The following GSE1 variants were observed in gnomAD, a reference collection of about 807,000 sequenced individuals.
GSE1 encodes Gse1 coiled-coil protein.
A neutral mutation model predicts 112.6 loss-of-function variants in GSE1; 32 were observed. That is an observed-to-expected ratio of 0.28 (90% confidence interval 0.21 to 0.38). The LOEUF (loss-of-function observed/expected upper bound fraction) is 0.38. Among genes scored for constraint, GSE1 ranks in the 10% least tolerant of loss-of-function variants. GSE1 has a pLI of 1.00. For synonymous variants in GSE1, 1,115 were observed against 735.6 expected (o/e 1.52, Z -8.35); for missense variants, 2,348 against 1,699.2 (o/e 1.38, Z -6.71).
chr16:85,455,381 A>AAGAGAGAG (rs147528394), intron 2 of GSE1, among the ~76,000 whole-genome samples: 8 of 149,742 alleles, frequency 5.3e-5, no homozygotes, highest in African/African-American at 2.0e-4. Flanking sequence ...GGCATTACAA[A>AAGAGAGAG]AGAGAGAGAG....
intron 1 of GSE1, among the ~76,000 whole-genome samples, chr16:85,262,779 T>C (rs1907837791): frequency 6.6e-6 from 1 of 152,204 alleles, no homozygotes; most frequent in African/African-American, 2.4e-5. Flanking sequence ...TGATGCTTGC[T>C]CCGTCTCTCA....
Position 85,661,170 on chromosome 16 carries a change from A to G in GSE1, c.1665A>G (p.Pro555=), listed in dbSNP as rs1179466203. Residue 555 remains proline, a synonymous_variant, in exon 9 of 16, where the codon CCA becomes CCG. Coordinates refer to ENST00000253458, the MANE Select transcript of GSE1 (RefSeq NM_014615.5). ...GGCCAGGACCAAACCGTCACGAGCC[A>G]GGTGGCCGTGACCCTCCGCAGCACT... ...TTRPGPNRHE[P]GGRDPPQHFG... The G allele has an allele frequency of 9.4e-6, 15 of 1,592,976 alleles. No homozygotes were observed. Among genetic ancestry groups the G allele is most frequent in the Non-Finnish European group, 1.3e-5 (15 of 1,164,538 alleles).
chr16:85,225,678 C>G (rs1205731893), intron 1 of GSE1, among the ~76,000 whole-genome samples: 1 of 152,232 alleles, frequency 6.6e-6, no homozygotes, highest in East Asian at 1.9e-4. Flanking sequence ...TCTGACACCA[C>G]TCTGTTTCAC....
chr16:85,351,912 C>T (rs758241832), intron 1 of GSE1, among the ~76,000 whole-genome samples: 4 of 152,118 alleles, frequency 2.6e-5, no homozygotes, highest in African/African-American at 4.8e-5. Context: ...ATTGCTTGAA[C>T]CCGGGAGGCA....
chr16:85,518,880 C>T (rs756977312), intron 2 of GSE1, among the ~76,000 whole-genome samples: 13 of 152,156 alleles, frequency 8.5e-5, no homozygotes, highest in Non-Finnish European at 1.5e-4. Context: ...CAGGCTCACA[C>T]CTGGGCCCCC....
chr16:85,431,732 C>T (rs2049126560), intron 2 of GSE1, among the ~76,000 whole-genome samples: 1 of 152,084 alleles, frequency 6.6e-6, no homozygotes, highest in Non-Finnish European at 1.5e-5. Context: ...ACTCTGAGCA[C>T]CCAGGGCCCA....
intron 1 of GSE1, among the ~76,000 whole-genome samples, chr16:85,282,334 G>C (rs1249398437): frequency 6.6e-6 from 1 of 152,164 alleles, no homozygotes; most frequent in Non-Finnish European, 1.5e-5. Context: ...CTGGGTTGCT[G>C]TGTTTTCATG....
chr16:85,568,309 C>T (rs1028893515), intron 1 of GSE1, among the ~76,000 whole-genome samples: 14 of 152,140 alleles, frequency 9.2e-5, no homozygotes, highest in African/African-American at 2.2e-4. Context: ...GGTAGGCCTC[C>T]GGGGTGGGCC....
chr16:85,365,783 G>A (rs746271328), intron 2 of GSE1, among the ~76,000 whole-genome samples: 8 of 152,234 alleles, frequency 5.3e-5, no homozygotes, highest in Non-Finnish European at 1.2e-4. Context: ...TCAGTTATTC[G>A]TTGGGAATGA....
chr16:85,408,123 C>G lies in GSE1; in HGVS notation c.2464+50480C>G, dbSNP rs1334588425. 4.7e-5 allele frequency among the ~76,000 whole-genome samples: 2 copies of G among 42,528 alleles called. 1 individual carries two copies. The highest frequency in any genetic ancestry group is 2.2e-4 in the African/African-American group (2 of 9,078). 27.9% of individuals were successfully genotyped at this position (42,528 alleles called of 152,430 possible). A position where few individuals can be genotyped will look rare whatever the true frequency, so the allele number is the denominator to read the frequency against. ...CCTGGATAATCCTCACTGTTACTCTCAGGCCCCCTGGATAATCCTCACTGT... is the reference window on the plus strand; with the variant it reads ...CCTGGATAATCCTCACTGTTACTCTGAGGCCCCCTGGATAATCCTCACTGT... On this transcript the variant is annotated intron_variant, in intron 2 of 2. Transcript: ENST00000637419.
chr16:85,305,802 C>T (rs996201378), intron 1 of GSE1, among the ~76,000 whole-genome samples: 1 of 152,130 alleles, frequency 6.6e-6, no homozygotes, highest in Admixed American at 6.5e-5. Context: ...TAAAGTTCCC[C>T]TGGTGGACCG....
chr16:85,599,897 G>A (rs2047388789), intron 1 of GSE1, among the ~76,000 whole-genome samples: 2 of 152,176 alleles, frequency 1.3e-5, no homozygotes. Flanking sequence ...CCACCTGGAA[G>A]ACAGATGAGG....
chr16:85,486,577 G>T (rs1020574201), intron 2 of GSE1, among the ~76,000 whole-genome samples: 1 of 152,224 alleles, frequency 6.6e-6, no homozygotes, highest in Non-Finnish European at 1.5e-5. Context: ...GTGTGGAACC[G>T]TCCACGGCTC....
At chr16:85,504,170 G>A (rs548936545) in intron 2 of GSE1, among the ~76,000 whole-genome samples, 1 of 152,236 alleles carries the variant, frequency 6.6e-6, no homozygotes, top group Non-Finnish European at 1.5e-5. Context: ...CAGGTACCCC[G>A]CTCAGCAGAG....
intron 11 of GSE1, among the ~76,000 whole-genome samples, 185 bp downstream of exon 11, chr16:85,663,799 C>T (rs1468138542): frequency 6.6e-6 from 1 of 152,252 alleles, no homozygotes; most frequent in African/African-American, 2.4e-5. Flanking sequence ...AGCAGCCTTA[C>T]CTGACAGGCT....
At chr16:85,668,039 C>T in intron 13 of GSE1, 101 bp from the exon 14 acceptor site, 1 of 880,032 alleles carries the variant, frequency 1.1e-6, no homozygotes, top group Admixed American at 2.4e-5. Context: ...GCCCTGCAGT[C>T]ATGTTGACTC....
intron 1 of GSE1, among the ~76,000 whole-genome samples, chr16:85,355,121 T>A (rs1234281464): frequency 1.3e-5 from 2 of 152,184 alleles, no homozygotes; most frequent in Non-Finnish European, 2.9e-5. Context: ...GGTAAATTTA[T>A]ACGTCCCTTG....
At chr16:85,425,507 A>G (rs1253815049) in intron 2 of GSE1, among the ~76,000 whole-genome samples, 1 of 152,276 alleles carries the variant, frequency 6.6e-6, no homozygotes, top group Non-Finnish European at 1.5e-5. Context: ...TTGTGGTGGC[A>G]AAAAGGGGCT....
intron 13 of GSE1, among the ~76,000 whole-genome samples, chr16:85,667,126 A>G (rs761216813): frequency 6.6e-6 from 1 of 152,264 alleles, no homozygotes; most frequent in Non-Finnish European, 1.5e-5. Flanking sequence ...AAGGGAGACT[A>G]TACAGTGCTA....
Sources: allele counts gnomAD v4.1 joint callset (sites outside exome capture counted in the v4.1 genomes callset), GRCh38; gene constraint gnomAD v4.1.1; transcripts MANE v1.5; gene names NCBI Gene and HGNC (gene_info 2026-07-23, HGNC 2026-07-21).